The following AUTS2 variants were observed in gnomAD, a reference collection of about 807,000 sequenced individuals.
AUTS2 encodes the protein autism susceptibility gene 2 protein.
A neutral mutation model predicts 112.4 loss-of-function variants in AUTS2; 17 were observed. The observed-to-expected ratio is 0.15, with a 90% confidence interval of 0.10 to 0.23. The LOEUF is 0.23. Among genes scored for constraint, AUTS2 ranks in the 10% least tolerant of loss-of-function variants. The pLI, the probability that AUTS2 is intolerant of heterozygous loss-of-function variation, is 1.00. For missense variants in AUTS2, 1,510 were observed against 1,701.6 expected (o/e 0.89, Z 1.98); for synonymous variants, 751 against 702.7 (o/e 1.07, Z -1.09).
chr7:69,691,895 T>C (rs1797363296), intron 1 of AUTS2, among the ~76,000 whole-genome samples: 1 of 152,078 alleles, frequency 6.6e-6, no homozygotes, highest in Non-Finnish European at 1.5e-5. Flanking sequence ...CTGGCAGGCA[T>C]GTAGAAGTTA....
chr7:69,858,106 A>G (rs988894429), intron 1 of AUTS2, among the ~76,000 whole-genome samples: 1 of 152,190 alleles, frequency 6.6e-6, no homozygotes, highest in African/African-American at 2.4e-5. Context: ...AACTTCTCAT[A>G]GAGGTGACCA....
At chr7:70,479,877 T>G (rs1450346587) in intron 5 of AUTS2, among the ~76,000 whole-genome samples, 3 of 152,144 alleles carry the variant, frequency 2.0e-5, no homozygotes, top group African/African-American at 7.2e-5. Flanking sequence ...TGTGAGAGTG[T>G]GAAAGGTAAG....
chr7:69,748,296 G>A (rs1183255229), intron 1 of AUTS2, among the ~76,000 whole-genome samples: 3 of 152,190 alleles, frequency 2.0e-5, no homozygotes, highest in African/African-American at 7.2e-5. Flanking sequence ...TGTGTGGGGA[G>A]ACCATATCTT....
At chr7:70,146,123 T>G (rs1807110048) in intron 4 of AUTS2, among the ~76,000 whole-genome samples, 2 of 152,164 alleles carry the variant, frequency 1.3e-5, no homozygotes, top group Admixed American at 1.3e-4. Flanking sequence ...CCTCTCAGTC[T>G]TCCTTGGACA....
At chr7:69,927,979 G>A (rs1055157233) in intron 2 of AUTS2, among the ~76,000 whole-genome samples, 1 of 152,204 alleles carries the variant, frequency 6.6e-6, no homozygotes, top group African/African-American at 2.4e-5. Flanking sequence ...TTGTGTTACA[G>A]CTGTCTTAGT....
chr7:70,260,146 A>G (rs1286608428), intron 4 of AUTS2, among the ~76,000 whole-genome samples: 1 of 152,056 alleles, frequency 6.6e-6, no homozygotes, highest in Non-Finnish European at 1.5e-5. Flanking sequence ...CAGGCGGATC[A>G]TGAGGTCAGG....
At chr7:70,501,181 G>A (rs935873062) in intron 5 of AUTS2, among the ~76,000 whole-genome samples, 1 of 152,124 alleles carries the variant, frequency 6.6e-6, no homozygotes, top group Non-Finnish European at 1.5e-5. Context: ...ATATCATTAA[G>A]CATATCAATA....
chr7:70,674,119 G>A (rs1042869465), intron 5 of AUTS2, among the ~76,000 whole-genome samples: 4 of 152,152 alleles, frequency 2.6e-5, no homozygotes, highest in African/African-American at 7.2e-5. Context: ...CAGGCCCCTT[G>A]ACTGGGCAGC....
chr7:69,689,775 T>C (rs1463294773), intron 1 of AUTS2, among the ~76,000 whole-genome samples: 3 of 151,502 alleles, frequency 2.0e-5, no homozygotes, highest in Non-Finnish European at 4.4e-5. Flanking sequence ...TCTCCCAGGC[T>C]CAAGTAATTC....
intron 1 of AUTS2, among the ~76,000 whole-genome samples, chr7:69,627,845 G>A (rs910312049): frequency 6.6e-6 from 1 of 152,164 alleles, no homozygotes; most frequent in African/African-American, 2.4e-5. Flanking sequence ...AACCCTCACA[G>A]GTTTGAGGAT....
chr7:70,651,541 C>T (rs921928787), intron 5 of AUTS2, among the ~76,000 whole-genome samples: 6 of 152,148 alleles, frequency 3.9e-5, no homozygotes, highest in South Asian at 2.1e-4. Flanking sequence ...AGCCTACCAT[C>T]GGGCAGAATC....
intron 4 of AUTS2, among the ~76,000 whole-genome samples, chr7:70,171,047 C>T (rs1418726590): frequency 1.3e-5 from 2 of 152,198 alleles, no homozygotes; most frequent in Non-Finnish European, 2.9e-5. Flanking sequence ...GAAATTTCAG[C>T]CTTCTTGGGT....
intron 2 of AUTS2, among the ~76,000 whole-genome samples, chr7:69,972,671 ATGTGTGTG>A (rs769055659): frequency 2.3e-5 from 2 of 85,250 alleles, no homozygotes; most frequent in Admixed American, 1.2e-4. Context: ...GTGTGCGTGC[ATGTGTGTG>A]TGTGTGTGTG....
chr7:69,935,473 T>C (rs112601478), intron 2 of AUTS2, among the ~76,000 whole-genome samples: 2 of 152,290 alleles, frequency 1.3e-5, no homozygotes, highest in African/African-American at 4.8e-5. Flanking sequence ...TAAAAAGTGC[T>C]GAGAGTTGGA....
rs569144062 is a variant in AUTS2, at chr7:70,205,296, C to T, written c.660+70725C>T. 6.0e-4 allele frequency among the ~76,000 whole-genome samples: 91 copies of T among 152,242 alleles called. 1 individual carries two copies. Among genetic ancestry groups the T allele is most frequent in the African/African-American group, 2.2e-3 (90 of 41,546 alleles). Reference sequence around the variant, plus strand: ...CTCTTAGCCTCAGGTGACCCTCCTGCCTCTGTCTCCTGAGTAGCTGCAATC... The same window carrying T: ...CTCTTAGCCTCAGGTGACCCTCCTGTCTCTGTCTCCTGAGTAGCTGCAATC... On this transcript the variant is annotated intron_variant, in intron 4 of 18. Coordinates refer to ENST00000342771, the MANE Select transcript of AUTS2 (RefSeq NM_015570.4).
At chr7:70,112,933 C>T (rs1163549112) in intron 2 of AUTS2, among the ~76,000 whole-genome samples, 1 of 152,050 alleles carries the variant, frequency 6.6e-6, no homozygotes, top group African/African-American at 2.4e-5. Flanking sequence ...TTCCCTTTCT[C>T]TATTATGATT....
At chr7:70,047,082 A>G (rs974381607) in intron 2 of AUTS2, among the ~76,000 whole-genome samples, 1 of 152,152 alleles carries the variant, frequency 6.6e-6, no homozygotes, top group African/African-American at 2.4e-5. Flanking sequence ...CTGTGATATA[A>G]GTTTGTTATG....
At chr7:70,491,471 CATA>C (rs1432259089) in intron 5 of AUTS2, among the ~76,000 whole-genome samples, 2 of 146,510 alleles carry the variant, frequency 1.4e-5, no homozygotes, top group African/African-American at 2.5e-5. Context: ...TATATATACA[CATA>C]ATATATATGT....
intron 8 of AUTS2, 89 bp downstream of exon 8, chr7:70,765,094 T>C (rs1484217995): frequency 3.2e-5 from 49 of 1,511,070 alleles, no homozygotes; most frequent in Non-Finnish European, 4.1e-5. Flanking sequence ...GATTGCAAGG[T>C]TGCATTTGCC....
Sources: allele counts gnomAD v4.1 joint callset (sites outside exome capture counted in the v4.1 genomes callset), GRCh38; gene constraint gnomAD v4.1.1; transcripts MANE v1.5; gene names NCBI Gene and HGNC (gene_info 2026-07-23, HGNC 2026-07-21).